Variants in ZNF91 observed in about 807,000 individuals in gnomAD.
ZNF91 encodes the protein zinc finger protein 91.
Under a neutral mutation model 12.6 loss-of-function variants are expected in ZNF91, and 7 were observed. That is an observed-to-expected ratio of 0.55 (90% CI 0.31 to 1.04). The LOEUF (loss-of-function observed/expected upper bound fraction) is 1.04, where lower values mean the gene tolerates loss of function less well. ZNF91 is among the 50% of genes least tolerant of loss of function. The pLI is 0.05. For synonymous variants in ZNF91, 453 were observed against 462.6 expected (o/e 0.98, Z 0.27); for missense variants, 1,217 against 1,385.4 (o/e 0.88, Z 1.93).
At chr19:23,363,790 A>G (rs1968900214) in intron 3 of ZNF91, among the ~76,000 whole-genome samples, 1 of 152,198 alleles carries the variant, frequency 6.6e-6, no homozygotes, top group African/African-American at 2.4e-5. Context: ...ACAACTATGG[A>G]AAATCGGAAA....
downstream of ZNF91, among the ~76,000 whole-genome samples, chr19:23,335,666 C>G (rs556834746): frequency 6.6e-6 from 1 of 152,188 alleles, no homozygotes; most frequent in African/African-American, 2.4e-5. Context: ...TTGCTAAGAC[C>G]GTTGGAAAAG....
At chr19:23,347,464 C>T (rs1599707172) in intron 3 of ZNF91, among the ~76,000 whole-genome samples, 1 of 152,054 alleles carries the variant, frequency 6.6e-6, no homozygotes. Flanking sequence ...AAACAAGTAG[C>T]CCTACAACCT....
At chr19:23,371,723 G>A (rs761138788) in intron 3 of ZNF91, among the ~76,000 whole-genome samples, 21 of 152,186 alleles carry the variant, frequency 1.4e-4, no homozygotes, top group Non-Finnish European at 2.4e-4. Context: ...TTGACTAACT[G>A]TGCAGTCATG....
At chr19:23,329,075 T>C (rs1967884320) in intron 1 of ZNF91, 1 of 152,258 alleles carries the variant, frequency 6.6e-6, no homozygotes, top group African/African-American at 2.4e-5. Context: ...TGTTACATTC[T>C]TGAAAATAAA....
chr19:23,322,852 TCCCCCACC>T, intron 1 of ZNF91, among the ~76,000 whole-genome samples: 1 of 73,372 alleles, frequency 1.4e-5, no homozygotes, highest in African/African-American at 6.7e-5. Context: ...CCTCCACTTC[TCCCCCACC>T]TCCTCCTCCA....
intron 3 of ZNF91, chr19:23,306,704 ACTCT>A (rs1251622758): frequency 6.6e-6 from 1 of 151,778 alleles, no homozygotes; most frequent in Non-Finnish European, 1.5e-5. Context: ...AGGTGATGTG[ACTCT>A]CTTCTCTTCG....
intron 1 of ZNF91, among the ~76,000 whole-genome samples, chr19:23,323,139 C>T (rs1230857911): frequency 7.1e-6 from 1 of 141,226 alleles, no homozygotes; most frequent in Non-Finnish European, 1.6e-5. Flanking sequence ...GTTCTTCCTC[C>T]TTTTCCTTCG....
At chr19:23,347,399 C>T (rs1968258054) in intron 3 of ZNF91, among the ~76,000 whole-genome samples, 1 of 152,104 alleles carries the variant, frequency 6.6e-6, no homozygotes, top group South Asian at 2.1e-4. Flanking sequence ...ATTGCAGGGA[C>T]CATCAAACCC....
chr19:23,375,164 T>A (rs12976946), intron 1 of ZNF91, among the ~76,000 whole-genome samples: 42,114 of 145,798 alleles, frequency 0.29, 5,974 homozygotes, highest in East Asian at 0.39. Context: ...CCACTCAAAA[T>A]TTTTTTTTTT....
upstream of ZNF91, among the ~76,000 whole-genome samples, chr19:23,313,344 G>A (rs1362676665): frequency 6.6e-6 from 1 of 152,106 alleles, no homozygotes; most frequent in African/African-American, 2.4e-5. Flanking sequence ...CACATTGTTG[G>A]AACTCACTTC....
In ZNF91 at chr19:23,395,382, G is replaced by T. The variant is rs750655757; in HGVS notation, c.-28C>A. On this transcript the variant is annotated 5_prime_UTR_variant, in exon 1 of 4. It adds an upstream start codon to the 5' untranslated region. Transcript: ENST00000300619. ...TAGCTGTGGCTCTCCAATACCTGCA[G>T]GTCACAGGGCCACACAGGCTGGGCC... The T allele has an allele frequency of 3.7e-6, 6 of 1,613,392 alleles. No homozygotes were observed. In the South Asian group the frequency reaches 6.6e-5, roughly 18 times the overall value.
chr19:23,334,701 A>G (rs1202448328), downstream of ZNF91, among the ~76,000 whole-genome samples: 1 of 152,206 alleles, frequency 6.6e-6, no homozygotes, highest in East Asian at 1.9e-4. Context: ...TTTTCTCTCA[A>G]AAACATTGAA....
intron 1 of ZNF91, among the ~76,000 whole-genome samples, chr19:23,320,954 C>G (rs780477115): frequency 1.3e-5 from 2 of 152,166 alleles, no homozygotes; most frequent in Non-Finnish European, 2.9e-5. Context: ...TAATTTAGCA[C>G]ACGTGTCAGG....
intron 3 of ZNF91, chr19:23,340,240 GAATA>G (rs1224822061): frequency 6.6e-6 from 1 of 152,010 alleles, no homozygotes; most frequent in Admixed American, 6.6e-5. Flanking sequence ...ATGACCAACA[GAATA>G]AAGAGTTGGT....
At chr19:23,357,259 T>A (rs959881517), downstream of ZNF91, among the ~76,000 whole-genome samples, 3 of 127,352 alleles carry the variant, frequency 2.4e-5, no homozygotes, top group Middle Eastern at 3.8e-3. Context: ...CAACAAACAA[T>A]TAAGCAAACA....
chr19:23,372,275 G>A (rs1384289865), intron 3 of ZNF91, among the ~76,000 whole-genome samples: 1 of 152,020 alleles, frequency 6.6e-6, no homozygotes, highest in Non-Finnish European at 1.5e-5. Context: ...AGAAAATTTG[G>A]CAGCCATTCC....
chr19:23,315,560 C>T (rs766409028), upstream of ZNF91, among the ~76,000 whole-genome samples: 1 of 151,192 alleles, frequency 6.6e-6, no homozygotes, highest in Admixed American at 6.6e-5. Context: ...ATGACCTGAC[C>T]TAGGTGATGT....
chr19:23,346,794 G>T (rs1450213399), intron 3 of ZNF91, among the ~76,000 whole-genome samples: 1 of 152,080 alleles, frequency 6.6e-6, no homozygotes, highest in Non-Finnish European at 1.5e-5. Context: ...ATCTCTCCAT[G>T]CCAACTTAAC....
chr19:23,341,327 G>A (rs941351125), intron 3 of ZNF91, among the ~76,000 whole-genome samples: 1 of 152,130 alleles, frequency 6.6e-6, no homozygotes, highest in Admixed American at 6.6e-5. Flanking sequence ...GGGATTACAG[G>A]CGTGAGCTAC....
Sources: gnomAD v4.1 joint callset for allele counts (sites outside exome capture counted in the v4.1 genomes callset) on GRCh38, gnomAD v4.1.1 for gene constraint, MANE v1.5 for transcripts, NCBI Gene and HGNC (gene_info 2026-07-23, HGNC 2026-07-21) for gene names.